ZFHX4: variants seen among roughly 807,000 people sequenced by gnomAD.
ZFHX4 encodes zinc finger homeobox protein 4.
A neutral mutation model predicts 267.6 loss-of-function variants in ZFHX4; 56 were observed. That is an observed-to-expected ratio of 0.21 (90% confidence interval 0.17 to 0.26). The LOEUF (loss-of-function observed/expected upper bound fraction) is 0.26. Ranked by LOEUF, ZFHX4 falls within the 10% of genes least tolerant of loss-of-function variation. ZFHX4 has a pLI of 1.00. For synonymous variants in ZFHX4, 1,778 were observed against 1,665.6 expected (o/e 1.07, Z -1.64); for missense variants, 4,332 against 4,420.0 (o/e 0.98, Z 0.56).
chr8:76,737,118 G>T (rs981224478), intron 3 of ZFHX4, among the ~76,000 whole-genome samples: 2 of 152,112 alleles, frequency 1.3e-5, no homozygotes, highest in Non-Finnish European at 2.9e-5. Context: ...AACCTGCTCT[G>T]ATGTTTTCCC....
rs773766567 is a variant in ZFHX4, at chr8:76,855,577, T to G, written c.8656T>G (p.Phe2886Val). 1 of 1,613,858 alleles carries G rather than the reference T, an allele frequency of 6.2e-7. No individual in the cohort carries two copies. The highest frequency in any genetic ancestry group is 8.5e-7 in the Non-Finnish European group (1 of 1,179,850). ...CAAAGATGGCGACCACGACCAAAGC[T>G]TTTACATCACAGATGACCCGGATGA... Reference protein sequence around the residue: ...NDKDGDHDQSFYITDDPDDNA... With the variant: ...NDKDGDHDQSVYITDDPDDNA... The change falls in exon 10 of 11, where the codon TTT becomes GTT. Residue 2886 changes from phenylalanine (F) to valine (V), a missense_variant. Transcript: ENST00000651372.
intron 3 of ZFHX4, among the ~76,000 whole-genome samples, chr8:76,770,530 T>C (rs1810235676): frequency 6.6e-6 from 1 of 152,080 alleles, no homozygotes; most frequent in Non-Finnish European, 1.5e-5. Flanking sequence ...TGGACATTAT[T>C]TAGGAATTGG....
Position 76,863,261 on chromosome 8 carries a change from G to A in ZFHX4, c.9547G>A (p.Glu3183Lys), listed in dbSNP as rs781006398. ...PSSSLSGQQT[E>K]QQNKESEKKQ... is the part of the protein sequence containing the mutation. ...ATCCTCTCTGTCAGGACAGCAGACC[G>A]AGCAACAGAACAAAGAATCTGAGAA... Residue 3183 changes from glutamate to lysine, a missense_variant, in exon 11 of 11, where the codon GAG (glutamate) becomes AAG (lysine). Physicochemically the swap from Glu to Lys is moderately conservative, Grantham distance 56. Transcript: ENST00000651372. The A allele has an allele frequency of 1.9e-5, 30 of 1,606,392 alleles. No individual in the cohort carries two copies. Among genetic ancestry groups the A allele is most frequent in the Admixed American group, 6.8e-5 (4 of 58,526 alleles).
chr8:76,843,463 G>A (rs1288533882), intron 6 of ZFHX4, among the ~76,000 whole-genome samples: 1 of 152,122 alleles, frequency 6.6e-6, no homozygotes, highest in African/African-American at 2.4e-5. Context: ...ACATTTACTT[G>A]TGCACAAACA....
chr8:76,820,096 A>G (rs183079136), intron 4 of ZFHX4, among the ~76,000 whole-genome samples: 38 of 152,314 alleles, frequency 2.5e-4, no homozygotes, highest in Admixed American at 2.4e-3. Flanking sequence ...TAGTAACAGC[A>G]TTGTTAAAAA....
chr8:76,798,225 T>C (rs1204854050), intron 4 of ZFHX4, among the ~76,000 whole-genome samples: 4 of 152,160 alleles, frequency 2.6e-5, no homozygotes, highest in Non-Finnish European at 5.9e-5. Context: ...TGTATCATGA[T>C]TTTCCTTTTT....
chr8:76,805,308 C>T (rs1811218016), intron 4 of ZFHX4, among the ~76,000 whole-genome samples: 1 of 152,070 alleles, frequency 6.6e-6, no homozygotes, highest in African/African-American at 2.4e-5. Flanking sequence ...AAGGGATACT[C>T]ACTTTAGCTG....
intron 4 of ZFHX4, among the ~76,000 whole-genome samples, chr8:76,802,797 C>T: frequency 6.6e-6 from 1 of 152,132 alleles, no homozygotes; most frequent in East Asian, 1.9e-4. Flanking sequence ...TAGGGACAGC[C>T]ACTTTCAAAT....
chr8:76,849,997 T>C (rs147731659), intron 8 of ZFHX4: 96 of 572,052 alleles, frequency 1.7e-4, no homozygotes, highest in African/African-American at 1.4e-3. Context: ...CATTTCAAAC[T>C]TGCTTCATTA....
intron 3 of ZFHX4, among the ~76,000 whole-genome samples, chr8:76,765,464 TCAA>T (rs1810027633): frequency 6.6e-6 from 1 of 152,148 alleles, no homozygotes; most frequent in Admixed American, 6.6e-5. Flanking sequence ...GTAGCTTTAC[TCAA>T]ATATTAATGT....
chr8:76,767,028 G>A (rs1425478277), intron 3 of ZFHX4, among the ~76,000 whole-genome samples: 1 of 148,846 alleles, frequency 6.7e-6, no homozygotes, highest in Non-Finnish European at 1.5e-5. Context: ...TTCTTCCTTT[G>A]TCTGTCTCAT....
intron 3 of ZFHX4, among the ~76,000 whole-genome samples, chr8:76,715,264 G>A (rs921953351): frequency 5.9e-5 from 9 of 152,090 alleles, no homozygotes; most frequent in African/African-American, 1.7e-4. Context: ...AGGCTGAGGT[G>A]GGTGGATCCT....
Position 76,704,603 on chromosome 8 carries a change from C to A in ZFHX4, c.515C>A (p.Ser172Tyr). 6.2e-7 allele frequency: 1 copy of A among 1,614,040 alleles called. No individual in the cohort carries two copies. Among genetic ancestry groups the A allele is most frequent in the Non-Finnish European group, 8.5e-7 (1 of 1,179,902 alleles). The change falls in exon 2 of 11, where the codon TCT becomes TAT. Residue 172 changes from serine to tyrosine, a missense_variant. Physicochemically the swap from Ser to Tyr is moderately radical, Grantham distance 144. Coordinates refer to ENST00000651372, the MANE Select transcript of ZFHX4 (RefSeq NM_024721.5). Reference sequence around the variant, plus strand: ...GCGATGTTCCTGGACTCCCTGGCATCTGCTGGAGAGAAGAGTGATCAGTCT... The same window carrying A: ...GCGATGTTCCTGGACTCCCTGGCATATGCTGGAGAGAAGAGTGATCAGTCT... ...STAMFLDSLA[S>Y]AGEKSDQSAS...
intron 4 of ZFHX4, among the ~76,000 whole-genome samples, chr8:76,812,935 G>T (rs1585971262): frequency 1.3e-5 from 2 of 152,182 alleles, no homozygotes; most frequent in Middle Eastern, 3.4e-3. Context: ...TTTGCAAATG[G>T]TAACTATTAT....
At chr8:76,783,978 A>T (rs1035490064) in intron 4 of ZFHX4, among the ~76,000 whole-genome samples, 2 of 152,062 alleles carry the variant, frequency 1.3e-5, no homozygotes, top group Admixed American at 1.3e-4. Flanking sequence ...AATAATATAC[A>T]GAAGATGAAA....
rs541556648 is a variant in ZFHX4 at position 76,865,453 on chromosome 8, T to C, written c.*888T>C. Reference sequence around the variant, plus strand: ...AAGGTACTTGCTTGTGTCTGAACTCTAGTGCACTTATGATTTTGTAGACCA... The same window carrying C: ...AAGGTACTTGCTTGTGTCTGAACTCCAGTGCACTTATGATTTTGTAGACCA... On this transcript the variant is annotated 3_prime_UTR_variant, in exon 11 of 11. Transcript: ENST00000651372. 2.0e-5 allele frequency: 3 copies of C among 152,728 alleles called. No homozygotes were observed. Among genetic ancestry groups the C allele is most frequent in the East Asian group, 3.9e-4 (2 of 5,176 alleles). 9.5% of individuals were successfully genotyped at this position (152,728 alleles called of 1,614,324 possible). A position where few individuals can be genotyped will look rare whatever the true frequency, so the allele number is the denominator to read the frequency against.
rs1207843848 is a variant in ZFHX4, at chr8:76,863,436, T to C, written c.9722T>C (p.Ile3241Thr). 8 of 1,613,844 alleles carry C rather than the reference T, an allele frequency of 5.0e-6. No individual in the cohort carries two copies. Among genetic ancestry groups the C allele is most frequent in the African/African-American group, 1.3e-5 (1 of 74,920 alleles). The change falls in exon 11 of 11, where the codon ATT becomes ACT. Residue 3241 changes from isoleucine to threonine, a missense_variant. This residue lies in a region of ZFHX4 where 1,648 missense variants were observed against 1,625.0 expected (regional missense o/e 1.01). Transcript: ENST00000651372. ...KVVGETHVDP[I>T]QLQALQNAIA... The stretch of plus-strand genomic sequence containing the variant: ...GTAGGTGAAACACATGTCGATCCTA[T>C]TCAGTTGCAGGCATTACAGAATGCA...
intron 3 of ZFHX4, among the ~76,000 whole-genome samples, chr8:76,713,667 C>T (rs1350529626): frequency 1.3e-5 from 2 of 152,148 alleles, no homozygotes; most frequent in East Asian, 1.9e-4. Flanking sequence ...AGAAAACTAG[C>T]GTTCTTTTAA....
chr8:76,850,902 T>G lies in ZFHX4; in HGVS notation c.3981T>G (p.Asp1327Glu). 1 of 1,606,544 alleles carries G rather than the reference T, an allele frequency of 6.2e-7. No homozygotes were observed. The highest frequency in any genetic ancestry group is 1.1e-5 in the South Asian group (1 of 89,410). The change falls in exon 10 of 11, where the codon GAT (aspartate) becomes GAG (glutamate). Residue 1327 changes from aspartate (D) to glutamate (E), a missense_variant. Asp to Glu is a conservative substitution (Grantham distance 45, BLOSUM62 2). Around this residue, in one of 7 missense-constraint regions of ZFHX4, gnomAD observed 1,371 missense variants for 1,423.1 expected, o/e 0.96. Transcript: ENST00000651372. ...TCCTAATAGGTGAAAGTCCAATGGA[T>G]GACAAAAGCATGGCAGGTCTCGAGG... ...SGKYSGESPM[D>E]DKSMAGLEDS...
Sources: allele counts gnomAD v4.1 joint callset (sites outside exome capture counted in the v4.1 genomes callset), GRCh38; gene constraint gnomAD v4.1.1; regional missense constraint gnomAD v4.1.1; transcripts MANE v1.5; gene names NCBI Gene and HGNC (gene_info 2026-07-23, HGNC 2026-07-21).